The following SNED1 variants were observed in gnomAD, a reference collection of about 807,000 sequenced individuals.
SNED1 encodes the protein sushi, nidogen and EGF-like domain-containing protein 1.
In SNED1, 81 loss-of-function variants were observed where a neutral mutation model predicts 166.7. The observed-to-expected ratio is 0.49, with a 90% CI of 0.41 to 0.58. The LOEUF is 0.58. Among genes scored for constraint, SNED1 ranks in the 20% least tolerant of loss-of-function variants. The pLI is 0.00. For synonymous variants in SNED1, 762 were observed against 822.0 expected, an observed-to-expected ratio of 0.93 and a Z score of 1.25; for missense variants, 1,604 against 2,000.2, an observed-to-expected ratio of 0.80 and a Z score of 3.78.
At chr2:241,049,774 T>G (rs1559264222) in intron 11 of SNED1, 43 bp from the exon 12 acceptor site, 1 of 1,493,928 alleles carries the variant, frequency 6.7e-7, no homozygotes, top group Non-Finnish European at 9.3e-7. Flanking sequence ...CCCGCACAGA[T>G]GCGGCGTAAG....
At chr2:241,005,414 G>A (rs1022037321) in intron 1 of SNED1, among the ~76,000 whole-genome samples, 62 of 151,792 alleles carry the variant, frequency 4.1e-4, no homozygotes, top group African/African-American at 1.2e-3. Flanking sequence ...ATGTTGGTTA[G>A]GCTGATCTGG....
At chr2:241,014,128 C>A (rs1345427909) in intron 1 of SNED1, among the ~76,000 whole-genome samples, 1 of 152,030 alleles carries the variant, frequency 6.6e-6, no homozygotes, top group African/African-American at 2.4e-5. Flanking sequence ...TGTGCCTCAG[C>A]CTCCCAAGTA....
chr2:241,005,153 A>T (rs966108197), intron 1 of SNED1, among the ~76,000 whole-genome samples: 11 of 151,872 alleles, frequency 7.2e-5, no homozygotes, highest in South Asian at 4.2e-4. Flanking sequence ...TTCTTTTTTT[A>T]AAAAATTTTT....
At chr2:241,085,842 A>G (rs1233864560) in intron 29 of SNED1, among the ~76,000 whole-genome samples, 1 of 141,374 alleles carries the variant, frequency 7.1e-6, no homozygotes, top group Non-Finnish European at 1.5e-5. Context: ...GTTCTATGGC[A>G]TGGCCTTTCT....
intron 1 of SNED1, among the ~76,000 whole-genome samples, chr2:241,008,716 C>T (rs890952541): frequency 2.0e-5 from 3 of 152,248 alleles, no homozygotes; most frequent in African/African-American, 7.2e-5. Flanking sequence ...CCACTGTGTG[C>T]AGCCCCTGCC....
At chr2:241,001,279 G>T (rs1385432557) in intron 1 of SNED1, among the ~76,000 whole-genome samples, 1 of 152,362 alleles carries the variant, frequency 6.6e-6, no homozygotes, top group East Asian at 1.9e-4. Context: ...GACACTGCCT[G>T]CAAGTCACAG....
chr2:241,063,448 G>T, intron 17 of SNED1, 139 bp from the exon 18 acceptor site: 1 of 687,478 alleles, frequency 1.5e-6, no homozygotes, highest in Non-Finnish European at 2.7e-6. Context: ...GCTGATGGAA[G>T]AAAAAGCACA....
At chr2:241,072,548 T>TAATGAACACGCTCTA in intron 26 of SNED1, 1 of 318,350 alleles carries the variant, frequency 3.1e-6, no homozygotes, top group Non-Finnish European at 6.1e-6. Context: ...GTCACCAGTT[T>TAATGAACACGCTCTA]AATGAACACG....
chr2:241,053,394 G>A (rs967039573), intron 16 of SNED1, 68 bp downstream of exon 16: 2 of 1,465,344 alleles, frequency 1.4e-6, no homozygotes, highest in East Asian at 2.3e-5. Flanking sequence ...CCATGTGGAG[G>A]AGCACAGGGG....
At chr2:241,031,012 C>G (rs2061150736) in intron 2 of SNED1, among the ~76,000 whole-genome samples, 1 of 152,220 alleles carries the variant, frequency 6.6e-6, no homozygotes, top group African/African-American at 2.4e-5. Flanking sequence ...CACCTGCCCA[C>G]TCCGGTGGCA....
In SNED1 at chr2:241,024,235, C is replaced by CTTTTTTTTTT. The variant is rs10664618; in HGVS notation, c.214-6029_214-6020dup. Among the ~76,000 whole-genome samples, 7 of 46,940 alleles carry CTTTTTTTTTT rather than the reference C, an allele frequency of 1.5e-4. 2 individuals carry two copies. The highest frequency in any genetic ancestry group is 5.9e-4 in the African/African-American group (7 of 11,926). 30.8% of individuals were successfully genotyped at this position (46,940 alleles called of 152,430 possible). On this transcript the variant is annotated intron_variant, in intron 1 of 31. Transcript: ENST00000310397. ...GTGTAGTTGTATTTCACTCTACTAC[C>CTTTTTTTTTT]TTTTTTTTTTTTTTTTTTTTTTTTT... is the stretch of plus-strand genomic sequence containing the variant.
rs1381709460 is a variant in SNED1, at chr2:241,036,843, G to A, written c.859G>A (p.Asp287Asn). The change falls in exon 5 of 32, where the codon GAC becomes AAC. Residue 287 changes from aspartate to asparagine, a missense_variant. By Grantham distance (23) the Asp-to-Asn change is conservative (BLOSUM62 1). Around this residue, in one of 2 missense-constraint regions of SNED1, gnomAD observed 1,237 missense variants for 1,620.8 expected, o/e 0.76. Transcript: ENST00000310397. ...CCTCAACGGCGGCAAGTGCATCGAC[G>A]ACTGCGTCACGGGCAACCCCTCCTA... ...PCLNGGKCID[D>N]CVTGNPSYTC... is the part of the protein sequence containing the mutation. 8 of 1,611,556 alleles carry A rather than the reference G, an allele frequency of 5.0e-6. No individual in the cohort carries two copies. Among genetic ancestry groups the A allele is most frequent in the East Asian group, 2.2e-5 (1 of 44,836 alleles).
At chr2:241,054,946 G>A (rs1418426023) in intron 16 of SNED1, among the ~76,000 whole-genome samples, 32 of 151,920 alleles carry the variant, frequency 2.1e-4, no homozygotes, top group Admixed American at 1.6e-3. Context: ...GTGAAACTCC[G>A]TCCCTACTTA....
chr2:241,050,495 C>A (rs976646499), intron 12 of SNED1, among the ~76,000 whole-genome samples: 1 of 152,126 alleles, frequency 6.6e-6, no homozygotes, highest in Non-Finnish European at 1.5e-5. Flanking sequence ...TGACCTGGCA[C>A]CCTCTCCAGG....
At chr2:241,054,743 T>A (rs1292218774) in intron 16 of SNED1, among the ~76,000 whole-genome samples, 1 of 152,230 alleles carries the variant, frequency 6.6e-6, no homozygotes, top group Admixed American at 6.5e-5. Context: ...TGGATGCAGA[T>A]GAAGAGTAAG....
At chr2:241,081,331 G>A (rs1372577587) in intron 27 of SNED1, among the ~76,000 whole-genome samples, 1 of 152,204 alleles carries the variant, frequency 6.6e-6, no homozygotes, top group African/African-American at 2.4e-5. Context: ...GGGTCGGGGT[G>A]GGGAGGGGCC....
rs1275883178 is a variant in SNED1 at position 241,068,904 on chromosome 2, C to T, written c.3195-7C>T. The T allele has an allele frequency of 6.5e-7, 1 of 1,541,338 alleles. No individual in the cohort carries two copies. The highest frequency in any genetic ancestry group is 8.8e-7 in the Non-Finnish European group (1 of 1,139,494). Reference sequence around the variant, plus strand: ...CCTGTTCTCTCTTTGTCACCTCCTGCCCACAGGGCCCTGCTGCCTGGGAAG... The same window carrying T: ...CCTGTTCTCTCTTTGTCACCTCCTGTCCACAGGGCCCTGCTGCCTGGGAAG... On this transcript the variant is annotated splice_region_variant and splice_polypyrimidine_tract_variant and intron_variant, in intron 22 of 31. Coordinates refer to ENST00000310397, the MANE Select transcript of SNED1 (RefSeq NM_001080437.3). The surrounding 1 kb of genome is among the most constrained non-coding windows in gnomAD (Gnocchi z 5.3).
chr2:241,084,555 C>G (rs1252530599), intron 29 of SNED1, among the ~76,000 whole-genome samples: 1 of 152,224 alleles, frequency 6.6e-6, no homozygotes, highest in South Asian at 2.1e-4. Flanking sequence ...TGACATCAAG[C>G]TTCCACTTCC....
At chr2:241,032,990 G>A (rs894624586) in intron 2 of SNED1, among the ~76,000 whole-genome samples, 1 of 152,130 alleles carries the variant, frequency 6.6e-6, no homozygotes. Flanking sequence ...GTATTCGGAA[G>A]CCCTTTGCAG....
Sources: gnomAD v4.1 joint callset for allele counts (sites outside exome capture counted in the v4.1 genomes callset) on GRCh38, gnomAD v4.1.1 for gene constraint, gnomAD v4.1.1 regional missense constraint, Gnocchi (gnomAD v3.1) non-coding constraint, MANE v1.5 for transcripts, NCBI Gene and HGNC (gene_info 2026-07-23, HGNC 2026-07-21) for gene names.